The following CEP120 variants were observed in gnomAD, a reference collection of about 807,000 sequenced individuals.
The protein encoded by CEP120 is centrosomal protein 120.
In CEP120, 113 loss-of-function variants were observed where a neutral mutation model predicts 126.5. The ratio of observed to expected loss-of-function variants is 0.89; its 90% confidence interval spans 0.77 to 1.04. The LOEUF (loss-of-function observed/expected upper bound fraction) is 1.04. CEP120 is among the 50% of genes least tolerant of loss of function. CEP120 has a pLI of 0.00. For missense variants in CEP120, 1,230 were observed against 1,155.7 expected (o/e 1.06, Z -0.93); for synonymous variants, 400 against 394.3 (o/e 1.01, Z -0.17).
chr5:123,399,050 G>C (rs1409014864), intron 5 of CEP120, 86 bp downstream of exon 5: 26 of 1,012,858 alleles, frequency 2.6e-5, no homozygotes, highest in Non-Finnish European at 3.5e-5. Context: ...AAGTCTACTT[G>C]CAAGTCTTTT....
At chr5:123,364,701 G>C in intron 17 of CEP120, 107 bp from the exon 18 acceptor site, 1 of 464,704 alleles carries the variant, frequency 2.2e-6, no homozygotes, top group Non-Finnish European at 3.8e-6. Context: ...TTTATACAGT[G>C]TAACATACGA....
At chr5:123,401,394 G>A (rs1479036360) in intron 4 of CEP120, 17 of 1,463,034 alleles carry the variant, frequency 1.2e-5, no homozygotes, top group Admixed American at 1.7e-5. Context: ...TCAGCCTGGA[G>A]CCGGCTGATG....
chr5:123,397,939 G>T (rs1255439056), intron 5 of CEP120, among the ~76,000 whole-genome samples: 2 of 152,006 alleles, frequency 1.3e-5, no homozygotes, highest in African/African-American at 4.8e-5. Context: ...TAAAAATTAG[G>T]TGGGTGTGGT....
intron 14 of CEP120, among the ~76,000 whole-genome samples, 158 bp downstream of exon 14, chr5:123,381,953 C>T (rs1034426895): frequency 1.3e-5 from 2 of 151,954 alleles, no homozygotes; most frequent in South Asian, 2.1e-4. Context: ...TACAGTGAAA[C>T]GCCTCCCTTC....
chr5:123,352,577 T>C (rs1387390159), intron 18 of CEP120, among the ~76,000 whole-genome samples: 2 of 152,062 alleles, frequency 1.3e-5, no homozygotes, highest in African/African-American at 2.4e-5. Context: ...AACACTACAC[T>C]GTTTTAATTA....
At chr5:123,422,925 C>G in intron 1 of CEP120, 25 bp downstream of exon 1, 1 of 1,611,826 alleles carries the variant, frequency 6.2e-7, no homozygotes, top group Non-Finnish European at 8.5e-7. Flanking sequence ...GCAGCAGTTG[C>G]AAAAGCAAGC....
chr5:123,423,098 G>A lies in CEP120; in HGVS notation c.-100C>T, dbSNP rs1174613778. 11 of 1,001,030 alleles carry A rather than the reference G, an allele frequency of 1.1e-5. No homozygotes were observed. Among genetic ancestry groups the A allele is most frequent in the Middle Eastern group, 3.0e-4 (1 of 3,360 alleles). 62.0% of individuals were successfully genotyped at this position (1,001,030 alleles called of 1,614,324 possible). On this transcript the variant is annotated 5_prime_UTR_variant, in exon 1 of 20. Transcript: ENST00000306467. ...ACCCCCGGCGGGACCCCCACTGCCC[G>A]CCCCCGGTCCCTGATGCCCGGACCC... is the stretch of plus-strand genomic sequence containing the variant.
In CEP120 at chr5:123,416,130, A is replaced by G. The variant is rs770306421; in HGVS notation, c.207-6T>C. The G allele has an allele frequency of 3.3e-6, 5 of 1,529,806 alleles. No individual in the cohort carries two copies. The highest frequency in any genetic ancestry group is 4.5e-6 in the Non-Finnish European group (5 of 1,110,792). The allele number at this position is 1,529,806 out of a possible 1,614,324, so 94.8% of individuals were successfully genotyped here. ...TGATAGGAGTACGCTGTAGCCTATA[A>G]CAAAACATGTGATAAATAAAATGGT... On this transcript the variant is annotated splice_polypyrimidine_tract_variant and splice_region_variant and intron_variant, in intron 2 of 19. Coordinates refer to ENST00000306467, the MANE Select transcript of CEP120 (RefSeq NM_001375405.1).
chr5:123,390,085 TTCTTCTTTGAATGC>T lies in CEP120; in HGVS notation c.1080_1093del (p.His361SerfsTer33). Reference sequence around the variant, plus strand: ...CTTCTCCTTTATGGGGGTTAAAACTTTCTTCTTTGAATGCTCTGGCTCATGTTCATTCTGGGTCT... The same window carrying T: ...CTTCTCCTTTATGGGGGTTAAAACTTTCTGGCTCATGTTCATTCTGGGTCT... On this transcript the variant is annotated frameshift_variant, in exon 8 of 20. Coordinates refer to ENST00000306467, the MANE Select transcript of CEP120 (RefSeq NM_001375405.1). LOFTEE classifies it high-confidence loss of function. The T allele has an allele frequency of 6.2e-7, 1 of 1,614,120 alleles. No homozygotes were observed. The highest frequency in any genetic ancestry group is 8.5e-7 in the Non-Finnish European group (1 of 1,180,006).
chr5:123,356,661 ACT>A (rs1561997551), intron 18 of CEP120, among the ~76,000 whole-genome samples: 4 of 151,322 alleles, frequency 2.6e-5, no homozygotes, highest in Non-Finnish European at 5.9e-5. Context: ...ATCATTTTTA[ACT>A]CTTTTTTTTA....
chr5:123,389,823 A>C, intron 8 of CEP120, 101 bp downstream of exon 8: 1 of 1,083,692 alleles, frequency 9.2e-7, no homozygotes, highest in Non-Finnish European at 1.3e-6. Context: ...ACAAACCCAC[A>C]ATTTTTACTT....
In CEP120 at chr5:123,345,437, G is replaced by A. The variant is rs1430468038; in HGVS notation, c.*1082C>T. On this transcript the variant is annotated 3_prime_UTR_variant, in exon 20 of 20. Transcript: ENST00000306467. ...ACTTAATTTTAACTTTATTATATTT[G>A]GAAATCAGAACTTTTTAAAGTACAT... is the stretch of plus-strand genomic sequence containing the variant. The A allele has an allele frequency of 6.6e-6, 1 of 151,988 alleles. No homozygotes were observed. Among genetic ancestry groups the A allele is most frequent in the Non-Finnish European group, 1.5e-5 (1 of 67,982 alleles). The allele number at this position is 151,988 out of a possible 1,614,324, so 9.4% of individuals were successfully genotyped here. A position where few individuals can be genotyped will look rare whatever the true frequency, so the allele number is the denominator to read the frequency against.
intron 18 of CEP120, among the ~76,000 whole-genome samples, chr5:123,353,353 T>G (rs910645734): frequency 1.3e-5 from 2 of 151,914 alleles, no homozygotes; most frequent in Non-Finnish European, 1.5e-5. Flanking sequence ...AATCTTTGAA[T>G]GTGGTAAATA....
At chr5:123,363,936 T>C (rs1770268305) in intron 18 of CEP120, among the ~76,000 whole-genome samples, 3 of 151,566 alleles carry the variant, frequency 2.0e-5, no homozygotes, top group Admixed American at 2.0e-4. Context: ...TAAGATCAAA[T>C]GTGTCCAAAA....
intron 14 of CEP120, among the ~76,000 whole-genome samples, chr5:123,380,096 T>A (rs1771532872): frequency 6.6e-6 from 1 of 152,158 alleles, no homozygotes. Context: ...CATCGTTTTT[T>A]AAGACAAATC....
intron 5 of CEP120, among the ~76,000 whole-genome samples, chr5:123,394,151 A>ATT (rs2127077838): frequency 6.6e-6 from 1 of 152,376 alleles, no homozygotes; most frequent in Admixed American, 6.5e-5. Context: ...ACAATAAGCT[A>ATT]TAAACATTTA....
chr5:123,401,107 T>C, intron 4 of CEP120: 1 of 1,598,560 alleles, frequency 6.3e-7, no homozygotes, highest in Non-Finnish European at 8.6e-7. Flanking sequence ...GTGGTCTTCG[T>C]ATGAATACTC....
intron 19 of CEP120, among the ~76,000 whole-genome samples, chr5:123,347,984 G>A (rs571837006): frequency 1.1e-4 from 17 of 152,084 alleles, no homozygotes; most frequent in Non-Finnish European, 2.4e-4. Flanking sequence ...CTTAAAGTGT[G>A]TTGCACAGTG....
At position 123,412,516 on chromosome 5, in the gene CEP120, T is replaced by G. The variant is rs1354020720; in HGVS notation, c.346A>C (p.Ser116Arg). The G allele has an allele frequency of 6.2e-7, 1 of 1,604,284 alleles. No homozygotes were observed. Among genetic ancestry groups the G allele is most frequent in the East Asian group, 2.2e-5 (1 of 44,608 alleles). Residue 116 changes from serine (S) to arginine (R), a missense_variant, in exon 4 of 20, where the codon AGT becomes CGT. Coordinates refer to ENST00000306467, the MANE Select transcript of CEP120 (RefSeq NM_001375405.1). The stretch of plus-strand genomic sequence containing the variant: ...GACTTGAATTTGGTGTATTTATTAC[T>G]CAGCAACTGGTACCATTTTGGTGCC... ...KQAPKWYQLLSNKYTKFKSEI... is the reference protein window; with the variant it reads ...KQAPKWYQLLRNKYTKFKSEI...
Sources: gnomAD v4.1 joint callset for allele counts (sites outside exome capture counted in the v4.1 genomes callset) on GRCh38, gnomAD v4.1.1 for gene constraint, MANE v1.5 for transcripts, NCBI Gene and HGNC (gene_info 2026-07-23, HGNC 2026-07-21) for gene names.